Variants in IL21 observed in about 807,000 individuals in gnomAD.
IL21 encodes interleukin 21.
In IL21, 3 loss-of-function variants were observed where a neutral mutation model predicts 18.4. The observed-to-expected ratio is 0.16, with a 90% CI of 0.07 to 0.42. The LOEUF is 0.42. Ranked by LOEUF, IL21 falls within the 10% of genes least tolerant of loss-of-function variation. IL21 has a pLI of 0.99. For synonymous variants in IL21, 37 were observed against 62.0 expected, an observed-to-expected ratio of 0.60 and a Z score of 1.90; for missense variants, 130 against 188.4, an observed-to-expected ratio of 0.69 and a Z score of 1.81.
chr4:122,615,912 A>G, intron 2 of IL21, 75 bp from the exon 3 acceptor site: 2 of 1,255,148 alleles, frequency 1.6e-6, no homozygotes, highest in South Asian at 1.4e-5. Context: ...CCAATCCTCT[A>G]TTTCTATCTC....
intron 3 of IL21, among the ~76,000 whole-genome samples, chr4:122,613,654 A>G (rs894974391): frequency 3.3e-5 from 5 of 152,092 alleles, no homozygotes; most frequent in African/African-American, 1.2e-4. Flanking sequence ...ACCCAGCTGT[A>G]TCTAACTTTT....
At chr4:122,618,978 A>T (rs1001233888) in intron 2 of IL21, 1 of 152,078 alleles carries the variant, frequency 6.6e-6, no homozygotes, top group African/African-American at 2.4e-5. Flanking sequence ...TACCTACTAG[A>T]TGCCAGTAGC....
In IL21 at chr4:122,620,690, A is replaced by G; in HGVS notation, c.204+11T>C. 1.2e-6 allele frequency: 2 copies of G among 1,607,534 alleles called. No homozygotes were observed. Among genetic ancestry groups the G allele is most frequent in the East Asian group, 2.2e-5 (1 of 44,856 alleles). On this transcript the variant is annotated intron_variant, in intron 2 of 4. Coordinates refer to ENST00000648588, the MANE Select transcript of IL21 (RefSeq NM_021803.4). ...CAATGTATTTTCAGAAATAAATTCA[A>G]CTGGTCTTACCTCTACATCTTCTGG...
chr4:122,614,478 G>A (rs541868885), intron 3 of IL21, among the ~76,000 whole-genome samples: 41 of 152,098 alleles, frequency 2.7e-4, no homozygotes, highest in African/African-American at 8.0e-4. Context: ...AGGCCGAGGC[G>A]GGCAGATCAC....
In IL21 at chr4:122,610,286, C is replaced by T. The variant is rs1175551702; in HGVS notation, c.*2424G>A. On this transcript the variant is annotated 3_prime_UTR_variant, in exon 5 of 5. Transcript: ENST00000648588. ...GCAATAATATAGAATAATAATGCTA[C>T]AATTTTATACAAGTGTTCCAAGAAG... Among the ~76,000 whole-genome samples, 1 of 152,096 alleles carries T rather than the reference C, an allele frequency of 6.6e-6. No individual in the cohort carries two copies. The highest frequency in any genetic ancestry group is 2.4e-5 in the African/African-American group (1 of 41,408).
At position 122,612,530 on chromosome 4, in the gene IL21, A is replaced by G. The variant is rs1020002340; in HGVS notation, c.*180T>C. ...AAAACTTCAGAAGTCATAGAAATCA[A>G]TAACATAGGAAATCAGACTATTGTA... On this transcript the variant is annotated 3_prime_UTR_variant, in exon 5 of 5. Transcript: ENST00000648588. 4 of 444,332 alleles carry G rather than the reference A, an allele frequency of 9.0e-6. No individual in the cohort carries two copies. The highest frequency in any genetic ancestry group is 2.0e-5 in the African/African-American group (1 of 49,360). The allele number at this position is 444,332 out of a possible 1,614,324, so 27.5% of individuals were successfully genotyped here.
chr4:122,617,097 A>G (rs1578437338), intron 2 of IL21, among the ~76,000 whole-genome samples: 1 of 152,238 alleles, frequency 6.6e-6, no homozygotes, highest in Admixed American at 6.5e-5. Context: ...TAAGACACAA[A>G]CCTATCAGGT....
chr4:122,613,722 T>C (rs1443013803), intron 3 of IL21, among the ~76,000 whole-genome samples: 2 of 152,160 alleles, frequency 1.3e-5, no homozygotes, highest in East Asian at 3.8e-4. Context: ...CATATATATC[T>C]TTGCTTATTT....
chr4:122,619,347 A>G (rs1025195436), intron 2 of IL21: 1 of 152,216 alleles, frequency 6.6e-6, no homozygotes, highest in African/African-American at 2.4e-5. Context: ...ACTCACTTAT[A>G]TCATAGCCAG....
chr4:122,613,947 T>C (rs1360074497), intron 3 of IL21, among the ~76,000 whole-genome samples: 1 of 152,220 alleles, frequency 6.6e-6, no homozygotes, highest in African/African-American at 2.4e-5. Flanking sequence ...ATATATGGAT[T>C]GCTCACTTAG....
chr4:122,612,861 A>G lies in IL21; in HGVS notation c.428T>C (p.Leu143Pro). 1.9e-6 allele frequency: 3 copies of G among 1,613,134 alleles called. No homozygotes were observed. The highest frequency in any genetic ancestry group is 2.5e-6 in the Non-Finnish European group (3 of 1,179,488). ...PKEFLERFKSLLQKMIHQHLS... is the reference protein window; with the variant it reads ...PKEFLERFKSPLQKMIHQHLS... ...ACTTAAGGTAGATACCTTTTGGAGA[A>G]GTGATTTGAATCTTTCTAGGAATTC... is the stretch of plus-strand genomic sequence containing the variant. Residue 143 changes from leucine to proline, a missense_variant, in exon 4 of 5, where the codon CTT (leucine) becomes CCT (proline). By Grantham distance (98) the Leu-to-Pro change is moderately conservative. Coordinates refer to ENST00000648588, the MANE Select transcript of IL21 (RefSeq NM_021803.4).
chr4:122,613,070 C>T (rs1033781856), intron 3 of IL21, 142 bp from the exon 4 acceptor site: 3 of 591,842 alleles, frequency 5.1e-6, no homozygotes, highest in Non-Finnish European at 8.8e-6. Context: ...TGGAAAGTAA[C>T]AATGGAAAAA....
chr4:122,615,429 G>A (rs1434645189), intron 3 of IL21, among the ~76,000 whole-genome samples: 2 of 152,048 alleles, frequency 1.3e-5, no homozygotes, highest in Non-Finnish European at 2.9e-5. Context: ...GGAGGCTGAG[G>A]TAGGAGGAGA....
chr4:122,613,021 T>C (rs1799283399), intron 3 of IL21, 93 bp from the exon 4 acceptor site: 5 of 727,240 alleles, frequency 6.9e-6, no homozygotes, highest in Non-Finnish European at 1.1e-5. Context: ...ACATAAATTA[T>C]GTTCACTGAA....
chr4:122,620,630 T>C (rs1229831151), intron 2 of IL21, 71 bp downstream of exon 2: 1 of 1,269,814 alleles, frequency 7.9e-7, no homozygotes. Flanking sequence ...ATAATCATGC[T>C]AATGTCTTTC....
chr4:122,614,821 G>A (rs1799314972), intron 3 of IL21, among the ~76,000 whole-genome samples: 1 of 152,120 alleles, frequency 6.6e-6, no homozygotes, highest in Non-Finnish European at 1.5e-5. Flanking sequence ...GCATATACAA[G>A]AGGATCTCAG....
chr4:122,610,700 C>T lies in IL21; in HGVS notation c.*2010G>A, dbSNP rs1015171779. Among the ~76,000 whole-genome samples the T allele has an allele frequency of 4.6e-5, 7 of 152,334 alleles. No homozygotes were observed. The highest frequency in any genetic ancestry group is 2.6e-4 in the Admixed American group (4 of 15,300). The stretch of plus-strand genomic sequence containing the variant: ...CTATTTCATAGTCAACAAAATTTCA[C>T]GTCTCCTGTATTACTGTCCATAGAT... On this transcript the variant is annotated 3_prime_UTR_variant, in exon 5 of 5. Transcript: ENST00000648588.
At chr4:122,617,163 C>T (rs920992554) in intron 2 of IL21, among the ~76,000 whole-genome samples, 2 of 152,194 alleles carry the variant, frequency 1.3e-5, no homozygotes, top group African/African-American at 4.8e-5. Flanking sequence ...TTCCTTATAT[C>T]AAGGCAGATT....
At chr4:122,613,640 C>T (rs941977262) in intron 3 of IL21, among the ~76,000 whole-genome samples, 4 of 152,128 alleles carry the variant, frequency 2.6e-5, no homozygotes, top group Non-Finnish European at 5.9e-5. Flanking sequence ...GCATGAGCCA[C>T]CACACCCAGC....
Sources: allele counts gnomAD v4.1 joint callset (sites outside exome capture counted in the v4.1 genomes callset), GRCh38; gene constraint gnomAD v4.1.1; transcripts MANE v1.5; gene names NCBI Gene and HGNC (gene_info 2026-07-23, HGNC 2026-07-21).